Variants in MYH11 observed in about 807,000 individuals in gnomAD.
MYH11 encodes the protein myosin-11.
A neutral mutation model predicts 246.6 loss-of-function variants in MYH11; 80 were observed. The ratio of observed to expected loss-of-function variants is 0.32; its 90% CI spans 0.27 to 0.39. MYH11 has a LOEUF of 0.39. Ranked by LOEUF, MYH11 falls within the 10% of genes least tolerant of loss-of-function variation. The pLI is 1.00. For synonymous variants in MYH11, 1,071 were observed against 1,015.5 expected, an observed-to-expected ratio of 1.05 and a Z score of -1.04; for missense variants, 2,158 against 2,546.8, an observed-to-expected ratio of 0.85 and a Z score of 3.29.
In MYH11 at chr16:15,724,729, C is replaced by T. The variant is rs150883363; in HGVS notation, c.4034G>A (p.Arg1345Gln). 89 of 1,614,138 alleles carry T rather than the reference C, an allele frequency of 5.5e-5. No homozygotes were observed. The highest frequency in any genetic ancestry group is 2.2e-4 in the South Asian group (20 of 91,084). The stretch of plus-strand genomic sequence containing the variant: ...GTCCAGCTGGTCTTGCAGGCTGTTC[C>T]GCTCCTCCTCCAGCTGGCGCAGCTT... Reference protein sequence around the residue: ...STKLRQLEEERNSLQDQLDEE... With the variant: ...STKLRQLEEEQNSLQDQLDEE... Residue 1345 changes from arginine (R) to glutamine (Q), a missense_variant, in exon 30 of 41, where the codon CGG becomes CAG. Coordinates refer to ENST00000300036, the MANE Select transcript of MYH11 (RefSeq NM_002474.3).
At chr16:15,751,559 C>A (rs2041572674) in intron 15 of MYH11, among the ~76,000 whole-genome samples, 1 of 151,752 alleles carries the variant, frequency 6.6e-6, no homozygotes, top group African/African-American at 2.4e-5. Context: ...AACCCACAGG[C>A]CATGGATGGC....
intron 5 of MYH11, chr16:15,784,982 C>A: frequency 2.6e-6 from 1 of 390,294 alleles, no homozygotes; most frequent in Non-Finnish European, 4.5e-6. Context: ...TACAGGCATG[C>A]ACACCAGGCC....
intron 1 of MYH11, among the ~76,000 whole-genome samples, chr16:15,842,762 C>CAAAAAAA (rs757920488): frequency 1.5e-4 from 3 of 19,672 alleles, no homozygotes; most frequent in African/African-American, 2.2e-4. Context: ...AGACTTCATC[C>CAAAAAAA]AAAAAAAAAA....
intron 6 of MYH11, chr16:15,779,346 T>A (rs1465747010): frequency 4.3e-6 from 1 of 230,250 alleles, no homozygotes; most frequent in Non-Finnish European, 8.7e-6. Context: ...CTCACTGTGT[T>A]GTCCAGGTTG....
chr16:15,734,525 C>G (rs2041060287), intron 26 of MYH11, among the ~76,000 whole-genome samples: 1 of 152,182 alleles, frequency 6.6e-6, no homozygotes, highest in South Asian at 2.1e-4. Context: ...GTCTTGAACT[C>G]CTGACCTCAA....
chr16:15,851,952 T>A (rs568399098), intron 1 of MYH11, among the ~76,000 whole-genome samples: 34 of 152,278 alleles, frequency 2.2e-4, no homozygotes, highest in Non-Finnish European at 3.8e-4. Flanking sequence ...TTAAAATAAA[T>A]GTATAGTCTC....
At chr16:15,822,647 G>A (rs1437155514) in intron 3 of MYH11, among the ~76,000 whole-genome samples, 6 of 152,156 alleles carry the variant, frequency 3.9e-5, no homozygotes, top group Non-Finnish European at 5.9e-5. Context: ...CCCAGGAGGC[G>A]GAGGTTGCAG....
chr16:15,852,817 G>A (rs1254903156), intron 1 of MYH11, among the ~76,000 whole-genome samples: 1 of 151,994 alleles, frequency 6.6e-6, no homozygotes, highest in Non-Finnish European at 1.5e-5. Context: ...TAAGCCTATC[G>A]GGGTCTTGAA....
intron 4 of MYH11, among the ~76,000 whole-genome samples, chr16:15,787,374 C>T (rs1002485749): frequency 6.6e-6 from 1 of 151,962 alleles, no homozygotes; most frequent in African/African-American, 2.4e-5. Flanking sequence ...CACCACTGCA[C>T]TCCAGCCTGG....
In MYH11 at chr16:15,835,748, T is replaced by C. The variant is rs1043249441; in HGVS notation, c.345+2160A>G. 5.4e-3 allele frequency among the ~76,000 whole-genome samples: 285 copies of C among 52,458 alleles called. 3 individuals carry two copies. The highest frequency in any genetic ancestry group is 0.051 in the African/African-American group (265 of 5,174). The allele number at this position is 52,458 out of a possible 152,430, so 34.4% of individuals were successfully genotyped here. The stretch of plus-strand genomic sequence containing the variant: ...ACCCACTCCATGAAGCTGGTACTAT[T>C]TTTTTTTTTTTTTTTTTTTGAAACA... On this transcript the variant is annotated intron_variant, in intron 2 of 40. Coordinates refer to ENST00000300036, the MANE Select transcript of MYH11 (RefSeq NM_002474.3).
chr16:15,752,208 TG>T, intron 15 of MYH11, among the ~76,000 whole-genome samples: 1 of 151,982 alleles, frequency 6.6e-6, no homozygotes, highest in South Asian at 2.1e-4. Flanking sequence ...AGACCCAGGG[TG>T]CGATGTTGTT....
chr16:15,833,413 G>GGAAGGAAGGA (rs1420702082), intron 2 of MYH11, among the ~76,000 whole-genome samples: 43 of 146,842 alleles, frequency 2.9e-4, no homozygotes, highest in African/African-American at 9.0e-4. Flanking sequence ...GGAAGGAAGG[G>GGAAGGAAGGA]AGGAACGAAC....
rs113981464 is a variant in MYH11, at chr16:15,759,753, C to T, written c.1249-25G>A. ...CCTGCAGAGGGCAACCAGGGGAACC[C>T]GGTTATTCTCAATGGGCTCCATTTT... is the stretch of plus-strand genomic sequence containing the variant. On this transcript the variant is annotated intron_variant, in intron 11 of 40. Coordinates refer to ENST00000300036, the MANE Select transcript of MYH11 (RefSeq NM_002474.3). 7.6e-4 allele frequency: 1,227 copies of T among 1,613,182 alleles called. 8 individuals are homozygous for T. In the African/African-American group the frequency reaches 0.012, roughly 16 times the overall value.
At chr16:15,708,862 C>T in intron 40 of MYH11, 1 of 1,607,738 alleles carries the variant, frequency 6.2e-7, no homozygotes, top group Non-Finnish European at 8.5e-7. Flanking sequence ...GAGAGAATCC[C>T]CGGAGGTTAC....
chr16:15,778,917 G>A, intron 6 of MYH11, 74 bp from the exon 7 acceptor site: 3 of 1,385,498 alleles, frequency 2.2e-6, no homozygotes, highest in Non-Finnish European at 3.1e-6. Context: ...GGGCAAGCAG[G>A]AGGCAGATGG....
intron 6 of MYH11, among the ~76,000 whole-genome samples, chr16:15,781,088 T>G (rs1828405851): frequency 6.6e-6 from 1 of 152,118 alleles, no homozygotes; most frequent in African/African-American, 2.4e-5. Flanking sequence ...TTTATTTTTG[T>G]AGAGATGGGG....
At chr16:15,823,218 C>A (rs1363023604) in intron 3 of MYH11, 37 bp downstream of exon 3, 10 of 1,613,164 alleles carry the variant, frequency 6.2e-6, no homozygotes, top group Non-Finnish European at 8.5e-6. Context: ...GGAGGGGCTC[C>A]CTGGAGCTGG....
In MYH11 at chr16:15,750,342, C is replaced by T; in HGVS notation, c.1865-11G>A. The T allele has an allele frequency of 1.3e-6, 2 of 1,586,164 alleles. No homozygotes were observed. The highest frequency in any genetic ancestry group is 2.3e-5 in the East Asian group (1 of 43,720). On this transcript the variant is annotated splice_polypyrimidine_tract_variant and intron_variant, in intron 15 of 40. Coordinates refer to ENST00000300036, the MANE Select transcript of MYH11 (RefSeq NM_002474.3). The surrounding 1 kb of genome is among the most constrained non-coding windows in gnomAD (Gnocchi z 4.3). Reference sequence around the variant, plus strand: ...CCACGATGCGGTCCACTATGGGGCACAGCCAGGGTGGCATCAGCCTCTGGC... The same window carrying T: ...CCACGATGCGGTCCACTATGGGGCATAGCCAGGGTGGCATCAGCCTCTGGC...
intron 10 of MYH11, 55 bp downstream of exon 10, chr16:15,763,741 T>TGGGCCCCCCCCCCCCCCCCCCC: frequency 1.5e-6 from 1 of 646,860 alleles, no homozygotes; most frequent in Non-Finnish European, 2.9e-6. Context: ...AAATGTCACC[T>TGGGCCCCCCCCCCCCCCCCCCC]CCCCCACCCC....
Sources: gnomAD v4.1 joint callset for allele counts (sites outside exome capture counted in the v4.1 genomes callset) on GRCh38, gnomAD v4.1.1 for gene constraint, Gnocchi (gnomAD v3.1) non-coding constraint, MANE v1.5 for transcripts, NCBI Gene and HGNC (gene_info 2026-07-23, HGNC 2026-07-21) for gene names.